The following RALGAPA1 variants were observed in gnomAD, a reference collection of about 807,000 sequenced individuals.
The protein encoded by RALGAPA1 is ral GTPase-activating protein subunit alpha-1.
Under a neutral mutation model 269.6 loss-of-function variants are expected in RALGAPA1, and 52 were observed. That is an observed-to-expected ratio of 0.19 (90% CI 0.15 to 0.24). The LOEUF (loss-of-function observed/expected upper bound fraction) is 0.24, where lower values mean the gene tolerates loss of function less well. RALGAPA1 is among the 10% of genes least tolerant of loss of function. RALGAPA1 has a pLI of 1.00. For missense variants in RALGAPA1, 1,917 were observed against 3,013.9 expected, an observed-to-expected ratio of 0.64 and a Z score of 8.52; for synonymous variants, 817 against 1,008.3, an observed-to-expected ratio of 0.81 and a Z score of 3.60.
At chr14:35,565,838 T>C (rs565749302) in intron 39 of RALGAPA1, among the ~76,000 whole-genome samples, 1 of 152,208 alleles carries the variant, frequency 6.6e-6, no homozygotes, top group South Asian at 2.1e-4. Flanking sequence ...AAAATGTCTT[T>C]AGGATCAAAA....
chr14:35,592,760 C>T (rs1273855522), intron 37 of RALGAPA1, among the ~76,000 whole-genome samples: 2 of 152,132 alleles, frequency 1.3e-5, no homozygotes, highest in Non-Finnish European at 2.9e-5. Context: ...ACTATGTGAT[C>T]ATCTCAATTG....
chr14:35,602,009 A>T (rs2059318405), intron 36 of RALGAPA1, among the ~76,000 whole-genome samples: 1 of 152,068 alleles, frequency 6.6e-6, no homozygotes. Flanking sequence ...GCAACCATTA[A>T]CCTACTTTCT....
intron 16 of RALGAPA1, among the ~76,000 whole-genome samples, chr14:35,721,411 C>T (rs1361478589): frequency 6.6e-6 from 1 of 152,160 alleles, no homozygotes; most frequent in Non-Finnish European, 1.5e-5. Context: ...AATCACAGTT[C>T]TACTTCTTCA....
At chr14:35,801,797 A>C (rs1197383883) in intron 1 of RALGAPA1, among the ~76,000 whole-genome samples, 1 of 152,174 alleles carries the variant, frequency 6.6e-6, no homozygotes, top group Non-Finnish European at 1.5e-5. Context: ...GGATCATATT[A>C]TACAGTGAAA....
chr14:35,674,013 T>C (rs1225706231), intron 24 of RALGAPA1, among the ~76,000 whole-genome samples, 167 bp downstream of exon 24: 1 of 152,174 alleles, frequency 6.6e-6, no homozygotes, highest in African/African-American at 2.4e-5. Context: ...TCCCGAGTAA[T>C]TTTAGTATGC....
At chr14:35,640,961 C>T (rs781368446) in intron 31 of RALGAPA1, among the ~76,000 whole-genome samples, 1 of 151,968 alleles carries the variant, frequency 6.6e-6, no homozygotes, top group Non-Finnish European at 1.5e-5. Flanking sequence ...TTTTTGTCAA[C>T]AAAATAAAGG....
intron 1 of RALGAPA1, among the ~76,000 whole-genome samples, chr14:35,785,938 G>A (rs1034590099): frequency 6.6e-6 from 1 of 152,164 alleles, no homozygotes; most frequent in Non-Finnish European, 1.5e-5. Flanking sequence ...CACTTTGGGA[G>A]GCTGAGGTGG....
chr14:35,627,960 A>G lies in RALGAPA1; in HGVS notation c.5996-9T>C. 6.5e-7 allele frequency: 1 copy of G among 1,542,636 alleles called. No homozygotes were observed. The highest frequency in any genetic ancestry group is 8.7e-7 in the Non-Finnish European group (1 of 1,145,176). On this transcript the variant is annotated splice_polypyrimidine_tract_variant and intron_variant, in intron 33 of 41. Transcript: ENST00000680220. The stretch of plus-strand genomic sequence containing the variant: ...CTGCATTTGAGTTTTCACTGGAAAT[A>G]AAAAATATAAATGAATGGGAATATT...
intron 14 of RALGAPA1, chr14:35,723,959 A>T (rs1459494189): frequency 6.6e-6 from 1 of 152,126 alleles, no homozygotes; most frequent in Non-Finnish European, 1.5e-5. Flanking sequence ...ATTCTACAAC[A>T]TTTAGAAAGG....
intron 1 of RALGAPA1, among the ~76,000 whole-genome samples, chr14:35,796,345 G>GA (rs2076560711): frequency 6.6e-6 from 1 of 151,954 alleles, no homozygotes; most frequent in African/African-American, 2.4e-5. Flanking sequence ...ACACGCAGAG[G>GA]AAAAAAATCA....
At chr14:35,732,438 T>C (rs1158704066) in intron 12 of RALGAPA1, among the ~76,000 whole-genome samples, 2 of 151,610 alleles carry the variant, frequency 1.3e-5, no homozygotes, top group African/African-American at 4.8e-5. Flanking sequence ...ATGGTCTAAA[T>C]GCTCCACTTA....
At chr14:35,702,727 AT>A (rs202106296) in intron 16 of RALGAPA1, among the ~76,000 whole-genome samples, 34 of 102,754 alleles carry the variant, frequency 3.3e-4, no homozygotes, top group South Asian at 6.8e-4. Flanking sequence ...AAAAAAAAAA[AT>A]ATATATATAT....
intron 10 of RALGAPA1, 177 bp downstream of exon 10, chr14:35,748,408 C>A: frequency 5.1e-6 from 2 of 396,030 alleles, no homozygotes; most frequent in Non-Finnish European, 4.0e-6. Context: ...GAGATGCGGT[C>A]TCTCCATGTT....
intron 1 of RALGAPA1, among the ~76,000 whole-genome samples, chr14:35,788,892 T>C (rs10135602): frequency 0.35 from 52,824 of 151,982 alleles, 12,666 homozygotes; most frequent in African/African-American, 0.67. Flanking sequence ...TCATGAGTTG[T>C]TCACAAAACA....
chr14:35,721,230 T>G lies in RALGAPA1; in HGVS notation c.2266+458A>C, dbSNP rs548189986. Among the ~76,000 whole-genome samples the G allele has an allele frequency of 3.9e-5, 6 of 152,318 alleles. No individual in the cohort carries two copies. The South Asian group carries it at 1.0e-3, about 26-fold the overall frequency. The stretch of plus-strand genomic sequence containing the variant: ...GCAAGAAACTCAGTAACAGACTCCA[T>G]GTTGGCCTTAGCTGTCTGCCAGCAG... On this transcript the variant is annotated intron_variant, in intron 16 of 41. Coordinates refer to ENST00000680220, the MANE Select transcript of RALGAPA1 (RefSeq NM_001346249.2).
intron 19 of RALGAPA1, among the ~76,000 whole-genome samples, 190 bp downstream of exon 19, chr14:35,686,352 A>G (rs185442175): frequency 2.4e-4 from 37 of 152,134 alleles, no homozygotes; most frequent in Middle Eastern, 3.4e-3. Context: ...GAGGCTGTTT[A>G]TGTCTTTAGA....
At chr14:35,787,524 A>AT (rs1444967021) in intron 1 of RALGAPA1, among the ~76,000 whole-genome samples, 1 of 152,138 alleles carries the variant, frequency 6.6e-6, no homozygotes, top group Non-Finnish European at 1.5e-5. Context: ...AATTCCTTGC[A>AT]TTTTTTGAAA....
chr14:35,727,644 C>T (rs1245597967), intron 13 of RALGAPA1, among the ~76,000 whole-genome samples: 2 of 151,804 alleles, frequency 1.3e-5, no homozygotes, highest in Admixed American at 6.6e-5. Context: ...CAGTAAATAC[C>T]TTCTAGGGGT....
intron 31 of RALGAPA1, among the ~76,000 whole-genome samples, 165 bp from the exon 32 acceptor site, chr14:35,635,763 AT>A (rs2061629768): frequency 6.6e-6 from 1 of 152,230 alleles, no homozygotes; most frequent in African/African-American, 2.4e-5. Flanking sequence ...GATATTGTAT[AT>A]GAACATTATT....
Sources: allele counts gnomAD v4.1 joint callset (sites outside exome capture counted in the v4.1 genomes callset), GRCh38; gene constraint gnomAD v4.1.1; transcripts MANE v1.5; gene names NCBI Gene and HGNC (gene_info 2026-07-23, HGNC 2026-07-21).